The following REST variants were observed in gnomAD, a reference collection of about 807,000 sequenced individuals.
The protein encoded by REST is RE1-silencing transcription factor.
A neutral mutation model predicts 30.4 loss-of-function variants in REST; 1 was observed. The observed-to-expected ratio is 0.03, with a 90% CI of 0.01 to 0.16. REST has a LOEUF of 0.16. Ranked by LOEUF, REST falls within the 10% of genes least tolerant of loss-of-function variation. REST has a pLI of 1.00. For missense variants in REST, 1,259 were observed against 1,329.5 expected, an observed-to-expected ratio of 0.95 and a Z score of 0.82; for synonymous variants, 504 against 451.1, an observed-to-expected ratio of 1.12 and a Z score of -1.49.
chr4:56,912,715 T>G (rs1275195444), intron 2 of REST, among the ~76,000 whole-genome samples: 2 of 152,158 alleles, frequency 1.3e-5, no homozygotes, highest in Non-Finnish European at 2.9e-5. Flanking sequence ...GGTTTCACCA[T>G]GTTGCCCAGG....
intron 3 of REST, among the ~76,000 whole-genome samples, chr4:56,926,980 C>A (rs1357744698): frequency 1.3e-5 from 2 of 151,888 alleles, no homozygotes; most frequent in African/African-American, 4.8e-5. Flanking sequence ...CCTGTAATCC[C>A]AGCTACTAGG....
intron 2 of REST, among the ~76,000 whole-genome samples, chr4:56,915,556 A>G (rs1326468659): frequency 6.6e-6 from 1 of 152,118 alleles, no homozygotes; most frequent in South Asian, 2.1e-4. Context: ...CCTTTATTAC[A>G]TTTTAAAACA....
chr4:56,918,953 G>C (rs1206359488), intron 2 of REST, among the ~76,000 whole-genome samples: 2 of 151,596 alleles, frequency 1.3e-5, no homozygotes, highest in Non-Finnish European at 2.9e-5. Context: ...TTACAGTCAG[G>C]GGCCACAATC....
intron 3 of REST, among the ~76,000 whole-genome samples, chr4:56,925,292 G>A (rs1027960832): frequency 2.6e-5 from 4 of 151,832 alleles, no homozygotes; most frequent in African/African-American, 7.3e-5. Context: ...TTTTCACTGC[G>A]GCTTTAACCT....
chr4:56,919,732 T>A (rs895132884), intron 2 of REST, 55 bp from the exon 3 acceptor site: 1 of 1,073,706 alleles, frequency 9.3e-7, no homozygotes, highest in Non-Finnish European at 1.4e-6. Context: ...TAGTGAGAAT[T>A]GTATTTGGCT....
chr4:56,930,706 T>C lies in REST; in HGVS notation c.1848T>C (p.Ala616=). The part of the protein sequence containing the change: ...AQMDPPQMGP[A]PTEAVQKGPV... ...TGGACCCTCCTCAGATGGGGCCTGCTCCCACAGAGGCGGTTCAGAAGGGGC... is the reference window on the plus strand; with the variant it reads ...TGGACCCTCCTCAGATGGGGCCTGCCCCCACAGAGGCGGTTCAGAAGGGGC... Residue 616 remains alanine (A), a synonymous_variant, in exon 4 of 4, where the codon GCT becomes GCC. Coordinates refer to ENST00000309042, the MANE Select transcript of REST (RefSeq NM_005612.5). The C allele has an allele frequency of 6.2e-7, 1 of 1,608,192 alleles. No homozygotes were observed. Among genetic ancestry groups the C allele is most frequent in the Non-Finnish European group, 8.5e-7 (1 of 1,178,544 alleles).
In REST at chr4:56,931,256, C is replaced by T. The variant is rs140815829; in HGVS notation, c.2398C>T (p.Pro800Ser). The change falls in exon 4 of 4, where the codon CCC (proline) becomes TCC (serine). Residue 800 changes from proline to serine, a missense_variant. Coordinates refer to ENST00000309042, the MANE Select transcript of REST (RefSeq NM_005612.5). Reference sequence around the variant, plus strand: ...GCCTGCTCAGAGGGAGCCACCTCCTCCCAGAGAGCCTCCCCTTCACATGGA... The same window carrying T: ...GCCTGCTCAGAGGGAGCCACCTCCTTCCAGAGAGCCTCCCCTTCACATGGA... ...KEPAQREPPP[P>S]REPPLHMEPI... is the part of the protein sequence containing the mutation. 21 of 1,614,106 alleles carry T rather than the reference C, an allele frequency of 1.3e-5. No homozygotes were observed. The highest frequency in any genetic ancestry group is 1.8e-5 in the Non-Finnish European group (21 of 1,180,046).
intron 1 of REST, chr4:56,908,944 G>A (rs1719760339): frequency 1.3e-5 from 2 of 151,482 alleles, no homozygotes; most frequent in African/African-American, 4.8e-5. Context: ...TCGCGAGGGC[G>A]CCCGCGGAGC....
rs1720943679 is a variant in REST, at chr4:56,931,046, C to G, written c.2188C>G (p.Gln730Glu). 1.2e-6 allele frequency: 2 copies of G among 1,613,944 alleles called. No individual in the cohort carries two copies. The highest frequency in any genetic ancestry group is 2.2e-5 in the South Asian group (2 of 91,080). Residue 730 changes from glutamine (Q) to glutamate (E), a missense_variant, in exon 4 of 4, where the codon CAG becomes GAG. Physicochemically the swap from Gln to Glu is conservative, Grantham distance 29. Coordinates refer to ENST00000309042, the MANE Select transcript of REST (RefSeq NM_005612.5). ...GCAGGTGGTCCAGAAGGAGCCTGTT[C>G]AGATGGAGCTGTCTCCTCCCATGGA... ...PMQVVQKEPV[Q>E]MELSPPMEVV...
At position 56,931,507 on chromosome 4, in the gene REST, C is replaced by G. The variant is rs764088367; in HGVS notation, c.2649C>G (p.Leu883=). 26 of 1,614,022 alleles carry G rather than the reference C, an allele frequency of 1.6e-5. No homozygotes were observed. Among genetic ancestry groups the G allele is most frequent in the Non-Finnish European group, 2.1e-5 (25 of 1,180,050 alleles). The change falls in exon 4 of 4, where the codon CTC becomes CTG. Residue 883 remains leucine (L), a synonymous_variant. Coordinates refer to ENST00000309042, the MANE Select transcript of REST (RefSeq NM_005612.5). ...REEASGDQKL[L]NTGEGNKEAP... is the part of the protein sequence containing the mutation. The stretch of plus-strand genomic sequence containing the variant: ...AGGCATCAGGAGACCAAAAATTACT[C>G]AACACAGGTGAAGGAAATAAAGAAG...
Position 56,910,924 on chromosome 4 carries a change from T to C in REST, c.286T>C (p.Ser96Pro), listed in dbSNP as rs1719868346. 3 of 1,613,674 alleles carry C rather than the reference T, an allele frequency of 1.9e-6. No individual in the cohort carries two copies. The African/African-American group carries it at 4.0e-5, about 22-fold the overall frequency. ...DSEEGEGLEE[S>P]ADIKGEPHGL... is the part of the protein sequence containing the mutation. ...TGAAGAAGGAGAAGGACTTGAAGAG[T>C]CTGCTGATATAAAAGGTGAACCTCA... is the stretch of plus-strand genomic sequence containing the variant. The change falls in exon 2 of 4, where the codon TCT becomes CCT. Residue 96 changes from serine (S) to proline (P), a missense_variant. Around this residue, in one of 5 missense-constraint regions of REST, gnomAD observed 249 missense variants for 251.5 expected, o/e 0.99. Coordinates refer to ENST00000309042, the MANE Select transcript of REST (RefSeq NM_005612.5).
chr4:56,911,627 T>A, intron 2 of REST, 91 bp downstream of exon 2: 1 of 1,067,642 alleles, frequency 9.4e-7, no homozygotes, highest in Non-Finnish European at 1.4e-6. Context: ...AAAAGGACTC[T>A]GGTTCAAATC....
In REST at chr4:56,911,296, C is replaced by T. The variant is rs1346435228; in HGVS notation, c.658C>T (p.Arg220Cys). ...CTCCAAGGGCCCCATTCGCTGTGACCGCTGCGGCTACAATACTAATCGATA... is the reference window on the plus strand; with the variant it reads ...CTCCAAGGGCCCCATTCGCTGTGACTGCTGCGGCTACAATACTAATCGATA... ...DFSKGPIRCDRCGYNTNRYDH... is the reference protein window; with the variant it reads ...DFSKGPIRCDCCGYNTNRYDH... The change falls in exon 2 of 4, where the codon CGC (arginine) becomes TGC (cysteine). Residue 220 changes from arginine (R) to cysteine (C), a missense_variant. By Grantham distance (180) the Arg-to-Cys change is radical. Coordinates refer to ENST00000309042, the MANE Select transcript of REST (RefSeq NM_005612.5). 1.2e-6 allele frequency: 2 copies of T among 1,614,114 alleles called. No individual in the cohort carries two copies. Among genetic ancestry groups the T allele is most frequent in the Non-Finnish European group, 1.7e-6 (2 of 1,180,036 alleles).
chr4:56,908,467 C>G (rs1016581304), intron 1 of REST, among the ~76,000 whole-genome samples: 1 of 152,044 alleles, frequency 6.6e-6, no homozygotes, highest in Non-Finnish European at 1.5e-5. Flanking sequence ...GACCCCCTCC[C>G]CACTGGAGGC....
intron 3 of REST, chr4:56,920,094 G>A (rs1720376990): frequency 1.7e-5 from 6 of 343,160 alleles, no homozygotes; most frequent in South Asian, 1.5e-4. Context: ...TCTGGGAGGA[G>A]GGGCCTTAAT....
At chr4:56,925,518 T>C (rs1167533115) in intron 3 of REST, among the ~76,000 whole-genome samples, 2 of 152,300 alleles carry the variant, frequency 1.3e-5, no homozygotes, top group Non-Finnish European at 2.9e-5. Context: ...CTGGCCATTC[T>C]TCTAAGAATA....
chr4:56,911,462 T>A lies in REST; in HGVS notation c.824T>A (p.Val275Glu). ...TTAAGAAACCATTTTCCAAGGAAAG[T>A]ATACACATGTGGAAAATGCAACTAT... The part of the protein sequence containing the change: ...KHLRNHFPRK[V>E]YTCGKCNYFS... Residue 275 changes from valine (V) to glutamate (E), a missense_variant, in exon 2 of 4, where the codon GTA becomes GAA. This residue lies in a region of REST where 125 missense variants were observed against 255.4 expected (regional missense o/e 0.49). Coordinates refer to ENST00000309042, the MANE Select transcript of REST (RefSeq NM_005612.5). The A allele has an allele frequency of 6.2e-7, 1 of 1,614,118 alleles. No homozygotes were observed. The highest frequency in any genetic ancestry group is 8.5e-7 in the Non-Finnish European group (1 of 1,179,968).
At chr4:56,925,484 G>A (rs1327367436) in intron 3 of REST, among the ~76,000 whole-genome samples, 1 of 152,130 alleles carries the variant, frequency 6.6e-6, no homozygotes, top group African/African-American at 2.4e-5. Context: ...AAAGTGCTAG[G>A]ATTACGGGTG....
intron 3 of REST, among the ~76,000 whole-genome samples, chr4:56,929,503 T>A (rs374386782): frequency 3.0e-5 from 3 of 99,634 alleles, no homozygotes; most frequent in East Asian, 2.0e-4. Context: ...CACAAAAAAA[T>A]TTTTAAGTTG....
Sources: allele counts gnomAD v4.1 joint callset (sites outside exome capture counted in the v4.1 genomes callset), GRCh38; gene constraint gnomAD v4.1.1; regional missense constraint gnomAD v4.1.1; transcripts MANE v1.5; gene names NCBI Gene and HGNC (gene_info 2026-07-23, HGNC 2026-07-21).